Variants in ASTN2 observed in about 807,000 individuals in gnomAD.
ASTN2 encodes the protein astrotactin 2.
Under a neutral mutation model 139.8 loss-of-function variants are expected in ASTN2, and 54 were observed. That is an observed-to-expected ratio of 0.39 (90% CI 0.31 to 0.48). The LOEUF is 0.48. Among genes scored for constraint, ASTN2 ranks in the 20% least tolerant of loss-of-function variants. The pLI is 0.95. For synonymous variants in ASTN2, 756 were observed against 719.5 expected, an observed-to-expected ratio of 1.05 and a Z score of -0.81; for missense variants, 1,565 against 1,725.1, an observed-to-expected ratio of 0.91 and a Z score of 1.64.
intron 2 of ASTN2, among the ~76,000 whole-genome samples, chr9:117,224,270 A>C (rs1211310938): frequency 6.6e-6 from 1 of 152,248 alleles, no homozygotes; most frequent in Non-Finnish European, 1.5e-5. Flanking sequence ...TCATCTGTGA[A>C]TTGGGTTACT....
chr9:117,379,925 T>C lies in ASTN2; in HGVS notation c.442+34572A>G, dbSNP rs561413463. Among the ~76,000 whole-genome samples, 121 of 152,296 alleles carry C rather than the reference T, an allele frequency of 7.9e-4. 1 individual carries two copies. Among genetic ancestry groups the C allele is most frequent in the African/African-American group, 2.6e-3 (109 of 41,564 alleles). On this transcript the variant is annotated intron_variant, in intron 1 of 22. Coordinates refer to ENST00000313400, the MANE Select transcript of ASTN2 (RefSeq NM_001365068.1). ...TCTGGGTGAAGGGGAGGGAGTGGCA[T>C]ATTTTTTAAAATAGTACTTTACAAA...
chr9:116,579,920 C>T (rs753262925), intron 19 of ASTN2, among the ~76,000 whole-genome samples: 18 of 152,126 alleles, frequency 1.2e-4, no homozygotes, highest in Non-Finnish European at 2.4e-4. Context: ...CTCCTGGATT[C>T]AAGCAATTCT....
intron 1 of ASTN2, among the ~76,000 whole-genome samples, chr9:117,376,334 T>G (rs1037225728): frequency 6.6e-6 from 1 of 152,182 alleles, no homozygotes; most frequent in African/African-American, 2.4e-5. Flanking sequence ...AAACTCCATT[T>G]TCTCCCCTTC....
At chr9:116,468,778 T>C (rs528556433) in intron 20 of ASTN2, among the ~76,000 whole-genome samples, 16 of 152,310 alleles carry the variant, frequency 1.1e-4, no homozygotes, top group Admixed American at 3.3e-4. Context: ...GTTGGCAAAA[T>C]AGTCCCTTAT....
intron 3 of ASTN2, among the ~76,000 whole-genome samples, chr9:117,207,218 A>C (rs1831957010): frequency 6.6e-6 from 1 of 152,174 alleles, no homozygotes; most frequent in Admixed American, 6.5e-5. Flanking sequence ...AGATATGCCC[A>C]CAGGTTGGAT....
intron 5 of ASTN2, among the ~76,000 whole-genome samples, chr9:117,040,427 A>G (rs1231163611): frequency 6.6e-6 from 1 of 151,984 alleles, no homozygotes; most frequent in Non-Finnish European, 1.5e-5. Flanking sequence ...TGGCTCTGTG[A>G]TCTCCATTTT....
chr9:116,922,339 G>C (rs1478896421), intron 10 of ASTN2, among the ~76,000 whole-genome samples: 1 of 152,098 alleles, frequency 6.6e-6, no homozygotes, highest in Non-Finnish European at 1.5e-5. Context: ...TTTATATATT[G>C]CTACAATGCC....
At chr9:116,715,950 G>A (rs1455631178) in intron 16 of ASTN2, among the ~76,000 whole-genome samples, 1 of 152,154 alleles carries the variant, frequency 6.6e-6, no homozygotes, top group African/African-American at 2.4e-5. Flanking sequence ...ACCAAGGGAA[G>A]GCAAAAACTT....
intron 19 of ASTN2, among the ~76,000 whole-genome samples, chr9:116,594,998 T>C (rs191573124): frequency 7.9e-5 from 12 of 152,368 alleles, no homozygotes; most frequent in Admixed American, 4.6e-4. Flanking sequence ...CAGGGATTCC[T>C]TGGAAGCCAT....
chr9:116,499,376 A>C (rs565597562), intron 19 of ASTN2, among the ~76,000 whole-genome samples: 15 of 152,276 alleles, frequency 9.9e-5, no homozygotes, highest in South Asian at 8.3e-4. Flanking sequence ...TTTTGTAAAC[A>C]CGTGTGGACA....
At chr9:117,226,295 C>G (rs1463611267) in intron 2 of ASTN2, among the ~76,000 whole-genome samples, 1 of 152,116 alleles carries the variant, frequency 6.6e-6, no homozygotes, top group Non-Finnish European at 1.5e-5. Flanking sequence ...CTGTCATTTA[C>G]CAGCTATGGA....
chr9:117,204,802 A>G (rs1354746944), intron 3 of ASTN2, among the ~76,000 whole-genome samples: 1 of 152,264 alleles, frequency 6.6e-6, no homozygotes, highest in Non-Finnish European at 1.5e-5. Flanking sequence ...TTTTCCATAT[A>G]AGGACAGCAA....
At chr9:117,226,627 G>A (rs1327439738) in intron 2 of ASTN2, among the ~76,000 whole-genome samples, 1 of 151,882 alleles carries the variant, frequency 6.6e-6, no homozygotes, top group Non-Finnish European at 1.5e-5. Flanking sequence ...TTTTAACAGG[G>A]TGGCCATAGC....
At chr9:116,633,872 T>G (rs956894778) in intron 17 of ASTN2, among the ~76,000 whole-genome samples, 2 of 152,196 alleles carry the variant, frequency 1.3e-5, no homozygotes, top group African/African-American at 4.8e-5. Context: ...CTTTTAAATT[T>G]GGCTGAGGAA....
At chr9:116,552,206 A>G (rs945574665) in intron 19 of ASTN2, 2 of 152,166 alleles carry the variant, frequency 1.3e-5, no homozygotes, top group African/African-American at 4.8e-5. Flanking sequence ...CAGAGAGGTG[A>G]GTAAGGTGTT....
chr9:116,801,550 C>T (rs1830849378), intron 13 of ASTN2, among the ~76,000 whole-genome samples: 1 of 114,608 alleles, frequency 8.7e-6, no homozygotes, highest in African/African-American at 3.3e-5. Context: ...CTGCACTCCA[C>T]ATTCCAGCCC....
intron 17 of ASTN2, among the ~76,000 whole-genome samples, chr9:116,643,148 T>C (rs1857420985): frequency 6.6e-6 from 1 of 152,200 alleles, no homozygotes; most frequent in Non-Finnish European, 1.5e-5. Context: ...TAAGAGAACA[T>C]ATATAAATAC....
intron 13 of ASTN2, among the ~76,000 whole-genome samples, chr9:116,743,217 G>A (rs865963299): frequency 1.3e-5 from 2 of 152,124 alleles, no homozygotes; most frequent in South Asian, 2.1e-4. Flanking sequence ...TGGACTAAAC[G>A]TTTACCCTAG....
intron 5 of ASTN2, among the ~76,000 whole-genome samples, chr9:117,048,266 G>A (rs1400704173): frequency 1.3e-5 from 2 of 152,052 alleles, no homozygotes; most frequent in African/African-American, 2.4e-5. Context: ...ACCTGATACC[G>A]ACCACATGTC....
Sources: gnomAD v4.1 joint callset for allele counts (sites outside exome capture counted in the v4.1 genomes callset) on GRCh38, gnomAD v4.1.1 for gene constraint, MANE v1.5 for transcripts, NCBI Gene and HGNC (gene_info 2026-07-23, HGNC 2026-07-21) for gene names.